The following MTUS2 variants were observed in gnomAD, a reference collection of about 807,000 sequenced individuals.
MTUS2 encodes microtubule associated scaffold protein 2, also known as microtubule-associated tumor suppressor candidate 2.
MTUS2 carries 40 observed loss-of-function variants against 114.1 expected under a neutral mutation model. That is an observed-to-expected ratio of 0.35 (90% CI 0.27 to 0.46). The LOEUF is 0.46. Ranked by LOEUF, MTUS2 falls within the 20% of genes least tolerant of loss-of-function variation. The pLI is 1.00. For synonymous variants in MTUS2, 688 were observed against 672.0 expected, an observed-to-expected ratio of 1.02 and a Z score of -0.37; for missense variants, 1,679 against 1,705.4, an observed-to-expected ratio of 0.98 and a Z score of 0.27.
At chr13:29,300,256 G>A (rs1899140568) in intron 6 of MTUS2, among the ~76,000 whole-genome samples, 1 of 152,094 alleles carries the variant, frequency 6.6e-6, no homozygotes, top group African/African-American at 2.4e-5. Flanking sequence ...CCCCCTGTAG[G>A]CTGGTCTGAA....
intron 5 of MTUS2, among the ~76,000 whole-genome samples, chr13:29,124,942 A>G (rs1891455809): frequency 6.6e-6 from 1 of 152,220 alleles, no homozygotes; most frequent in Non-Finnish European, 1.5e-5. Flanking sequence ...AGAAGGAGGA[A>G]TGGGAAGTTA....
intron 8 of MTUS2, among the ~76,000 whole-genome samples, chr13:29,362,869 T>C (rs1422687391): frequency 6.6e-6 from 1 of 152,210 alleles, no homozygotes; most frequent in Non-Finnish European, 1.5e-5. Flanking sequence ...GCCCCATGCT[T>C]TATAGCTCCT....
chr13:29,487,787 A>G (rs1566232143), intron 10 of MTUS2, 113 bp from the exon 11 acceptor site: 3 of 831,128 alleles, frequency 3.6e-6, no homozygotes, highest in Non-Finnish European at 6.1e-6. Flanking sequence ...CTTCGGCACA[A>G]GGCTGTGACT....
At chr13:29,130,765 A>G (rs1566023708) in intron 5 of MTUS2, among the ~76,000 whole-genome samples, 1 of 152,140 alleles carries the variant, frequency 6.6e-6, no homozygotes, top group Non-Finnish European at 1.5e-5. Context: ...AGCTGGGACT[A>G]CAGGCATGCA....
chr13:28,958,782 G>T (rs1307590579), intron 2 of MTUS2, among the ~76,000 whole-genome samples: 1 of 152,208 alleles, frequency 6.6e-6, no homozygotes, highest in Non-Finnish European at 1.5e-5. Context: ...GAAAGCTGTA[G>T]CTGTGGATGT....
At chr13:28,992,867 TC>T (rs1202010678) in intron 2 of MTUS2, among the ~76,000 whole-genome samples, 1 of 152,106 alleles carries the variant, frequency 6.6e-6, no homozygotes, top group Non-Finnish European at 1.5e-5. Flanking sequence ...ACTGAAACCG[TC>T]CCCGTTAAAA....
At chr13:29,147,214 G>T (rs1892473920) in intron 5 of MTUS2, among the ~76,000 whole-genome samples, 1 of 152,128 alleles carries the variant, frequency 6.6e-6, no homozygotes, top group South Asian at 2.1e-4. Context: ...TAAATTCATT[G>T]TTGGAACCTC....
intron 5 of MTUS2, among the ~76,000 whole-genome samples, chr13:29,117,916 A>G (rs1415040667): frequency 6.6e-6 from 1 of 152,198 alleles, no homozygotes; most frequent in African/African-American, 2.4e-5. Context: ...GAAATGAGCC[A>G]GGGCGGACCC....
intron 2 of MTUS2, among the ~76,000 whole-genome samples, chr13:28,991,220 G>A (rs1163324799): frequency 6.6e-6 from 1 of 152,204 alleles, no homozygotes; most frequent in Non-Finnish European, 1.5e-5. Context: ...GGTCCCTGCT[G>A]CTCTTGATCA....
intron 2 of MTUS2, among the ~76,000 whole-genome samples, chr13:29,020,016 T>C (rs1886227455): frequency 6.6e-6 from 1 of 152,192 alleles, no homozygotes; most frequent in Admixed American, 6.5e-5. Context: ...CATTCTGCTG[T>C]AGAGAGGCAG....
At chr13:29,317,142 A>G (rs1900024138) in intron 6 of MTUS2, among the ~76,000 whole-genome samples, 1 of 152,180 alleles carries the variant, frequency 6.6e-6, no homozygotes, top group African/African-American at 2.4e-5. Flanking sequence ...TAATTTTTCT[A>G]GGCCTCTATT....
chr13:29,376,957 G>T (rs1871801279), intron 8 of MTUS2, among the ~76,000 whole-genome samples: 1 of 8,948 alleles, frequency 1.1e-4, no homozygotes, highest in Non-Finnish European at 5.2e-3. Flanking sequence ...AACCACAAAT[G>T]AAAAACTGGA....
chr13:28,933,336 G>T (rs540514630), intron 2 of MTUS2, among the ~76,000 whole-genome samples: 12 of 152,228 alleles, frequency 7.9e-5, no homozygotes, highest in African/African-American at 2.9e-4. Flanking sequence ...ACTCAGGCAG[G>T]GTTTCTCTGT....
At chr13:29,038,217 T>TA (rs1887173877) in intron 4 of MTUS2, among the ~76,000 whole-genome samples, 1 of 152,256 alleles carries the variant, frequency 6.6e-6, no homozygotes, top group Non-Finnish European at 1.5e-5. Context: ...ATGTTGATGT[T>TA]ACTGCTTTTG....
At chr13:29,315,267 C>G (rs1282059604) in intron 6 of MTUS2, among the ~76,000 whole-genome samples, 2 of 152,058 alleles carry the variant, frequency 1.3e-5, no homozygotes, top group Non-Finnish European at 2.9e-5. Flanking sequence ...TAGGGTGACT[C>G]TAGTTAATTA....
intron 2 of MTUS2, among the ~76,000 whole-genome samples, chr13:28,914,511 TTGTG>T (rs1038796292): frequency 1.7e-4 from 26 of 152,184 alleles, no homozygotes; most frequent in African/African-American, 6.3e-4. Flanking sequence ...TTACTTCTGA[TTGTG>T]TGATCAATTT....
At chr13:29,265,278 T>G (rs1248817728) in intron 5 of MTUS2, among the ~76,000 whole-genome samples, 1 of 152,182 alleles carries the variant, frequency 6.6e-6, no homozygotes, top group East Asian at 1.9e-4. Context: ...TCCAATACAT[T>G]CCTCATTTCC....
intron 6 of MTUS2, among the ~76,000 whole-genome samples, chr13:29,314,169 A>C (rs1293770193): frequency 6.6e-6 from 1 of 152,238 alleles, no homozygotes; most frequent in African/African-American, 2.4e-5. Flanking sequence ...CAGCCATGCC[A>C]CAGCCCTAGA....
chr13:29,010,845 T>C (rs1885808163), intron 2 of MTUS2, among the ~76,000 whole-genome samples: 1 of 152,126 alleles, frequency 6.6e-6, no homozygotes, highest in Admixed American at 6.5e-5. Flanking sequence ...GGAGTCAGTG[T>C]ATAGCTATGC....
Sources: allele counts gnomAD v4.1 joint callset (sites outside exome capture counted in the v4.1 genomes callset), GRCh38; gene constraint gnomAD v4.1.1; transcripts MANE v1.5; gene names NCBI Gene and HGNC (gene_info 2026-07-23, HGNC 2026-07-21).